ATP6V1C2: variants seen among roughly 807,000 people sequenced by gnomAD.
ATP6V1C2 encodes the protein ATPase H+ transporting V1 subunit C2, also known as V-type proton ATPase subunit C 2.
In ATP6V1C2, 45 loss-of-function variants were observed where a neutral mutation model predicts 56.8. That is an observed-to-expected ratio of 0.79 (90% CI 0.62 to 1.02). The LOEUF (loss-of-function observed/expected upper bound fraction) is 1.02. ATP6V1C2 is among the 50% of genes least tolerant of loss of function. The probability of loss-of-function intolerance (pLI) is 0.00; values close to 1 mark genes in which losing one functional copy is unlikely to be tolerated. For missense variants in ATP6V1C2, 463 were observed against 519.7 expected (o/e 0.89, Z 1.06); for synonymous variants, 220 against 201.3 (o/e 1.09, Z -0.79).
chr2:10,747,701 C>CA lies in ATP6V1C2; in HGVS notation c.198-6269dup, dbSNP rs34222737. On this transcript the variant is annotated intron_variant, in intron 3 of 13. Transcript: ENST00000272238. ...ACAGCAAGACACCATCTCTTTGAAA[C>CA]AAAAAAAAAAAGCACACTTTCTACC... Among the ~76,000 whole-genome samples the CA allele has an allele frequency of 9.8e-3, 1,399 of 142,940 alleles. 9 individuals are homozygous for CA. The highest frequency in any genetic ancestry group is 0.014 in the Middle Eastern group (4 of 282). The allele number at this position is 142,940 out of a possible 152,430, so 93.8% of individuals were successfully genotyped here. A position where few individuals can be genotyped will look rare whatever the true frequency, so the allele number is the denominator to read the frequency against.
chr2:10,757,390 C>G (rs1663620274), intron 4 of ATP6V1C2: 1 of 396,838 alleles, frequency 2.5e-6, no homozygotes, highest in Non-Finnish European at 4.4e-6. Flanking sequence ...CTTTGTATGT[C>G]TATATGGCTT....
rs1023152678 is a variant in ATP6V1C2 at position 10,784,385 on chromosome 2, A to T, written c.*1122A>T. The T allele has an allele frequency of 2.1e-5, 30 of 1,399,030 alleles. No homozygotes were observed. Among genetic ancestry groups the T allele is most frequent in the Non-Finnish European group, 5.0e-6 (5 of 998,922 alleles). The allele number at this position is 1,399,030 out of a possible 1,614,324, so 86.7% of individuals were successfully genotyped here. On this transcript the variant is annotated 3_prime_UTR_variant, in exon 14 of 14. Transcript: ENST00000272238. ...CAGAAGGGGACACCCTGGAAGGTCAACATCTCATTTTATGGAAGAGCGACT... is the reference window on the plus strand; with the variant it reads ...CAGAAGGGGACACCCTGGAAGGTCATCATCTCATTTTATGGAAGAGCGACT...
At chr2:10,747,577 A>G (rs1355063688) in intron 3 of ATP6V1C2, among the ~76,000 whole-genome samples, 2 of 152,142 alleles carry the variant, frequency 1.3e-5, no homozygotes, top group Non-Finnish European at 1.5e-5. Flanking sequence ...TGTGCTTTCT[A>G]AGCTGGGGAC....
Position 10,739,821 on chromosome 2 carries a change from C to T in ATP6V1C2, c.197+13252C>T, listed in dbSNP as rs1294432088. 5.9e-5 allele frequency among the ~76,000 whole-genome samples: 9 copies of T among 152,074 alleles called. No individual in the cohort carries two copies. The East Asian group carries it at 9.7e-4, about 16-fold the overall frequency. Reference sequence around the variant, plus strand: ...GTTTAAATAAAACTTTACCAATGGTCGGGCACAGTGGCTCATGCCTGTAAT... The same window carrying T: ...GTTTAAATAAAACTTTACCAATGGTTGGGCACAGTGGCTCATGCCTGTAAT... On this transcript the variant is annotated intron_variant, in intron 3 of 13. Transcript: ENST00000272238.
chr2:10,763,637 G>T lies in ATP6V1C2; in HGVS notation c.284-694G>T, dbSNP rs1664053203. On this transcript the variant is annotated intron_variant, in intron 4 of 13. Coordinates refer to ENST00000272238, the MANE Select transcript of ATP6V1C2 (RefSeq NM_001039362.2). The surrounding 1 kb of genome is among the most constrained non-coding windows in gnomAD (Gnocchi z 4.2). The stretch of plus-strand genomic sequence containing the variant: ...GGCCACCGTGGCGCTGCAGCTTCCA[G>T]GGAATTTCCCGCTCTTCCATAGACC... Among the ~76,000 whole-genome samples the T allele has an allele frequency of 6.6e-6, 1 of 152,158 alleles. No individual in the cohort carries two copies. Among genetic ancestry groups the T allele is most frequent in the Non-Finnish European group, 1.5e-5 (1 of 68,024 alleles).
chr2:10,734,081 G>A (rs1195249685), intron 3 of ATP6V1C2, among the ~76,000 whole-genome samples: 1 of 152,184 alleles, frequency 6.6e-6, no homozygotes, highest in Non-Finnish European at 1.5e-5. Context: ...GACCTATGTG[G>A]CATTTCATGG....
chr2:10,749,559 G>T (rs1198966823), intron 3 of ATP6V1C2, among the ~76,000 whole-genome samples: 1 of 152,114 alleles, frequency 6.6e-6, no homozygotes, highest in Non-Finnish European at 1.5e-5. Context: ...TGTTGGCAAG[G>T]GTTTAGGGAA....
chr2:10,728,315 C>G (rs1661758675), intron 3 of ATP6V1C2, among the ~76,000 whole-genome samples: 1 of 152,166 alleles, frequency 6.6e-6, no homozygotes, highest in Non-Finnish European at 1.5e-5. Flanking sequence ...AACTCCTGGC[C>G]TCAAGTGATC....
chr2:10,726,957 A>G (rs1572496977), intron 3 of ATP6V1C2, among the ~76,000 whole-genome samples: 1 of 152,052 alleles, frequency 6.6e-6, no homozygotes, highest in Non-Finnish European at 1.5e-5. Flanking sequence ...CACACCTGTA[A>G]CCCTAGCTAC....
At chr2:10,742,678 G>A (rs992436400) in intron 3 of ATP6V1C2, among the ~76,000 whole-genome samples, 13 of 152,218 alleles carry the variant, frequency 8.5e-5, no homozygotes, top group African/African-American at 3.1e-4. Context: ...CCCCCTCACC[G>A]TTGGGATAGA....
intron 3 of ATP6V1C2, chr2:10,744,334 G>T (rs1245674479): frequency 6.6e-6 from 1 of 152,206 alleles, no homozygotes; most frequent in African/African-American, 2.4e-5. Context: ...GTGCGTTGAT[G>T]CTCCTGTTTC....
chr2:10,778,738 C>T lies in ATP6V1C2; in HGVS notation c.1061+69C>T, dbSNP rs897385927. 32 of 1,449,490 alleles carry T rather than the reference C, an allele frequency of 2.2e-5. No individual in the cohort carries two copies. The Admixed American group carries it at 3.4e-4, about 15-fold the overall frequency. The allele number at this position is 1,449,490 out of a possible 1,614,324, so 89.8% of individuals were successfully genotyped here. A position where few individuals can be genotyped will look rare whatever the true frequency, so the allele number is the denominator to read the frequency against. ...GCAGGGTCTGGGGGAGCTATCGGGG[C>T]ACCCCAGCTCCTGCCTTCTCTCCAT... On this transcript the variant is annotated intron_variant, in intron 12 of 13. Transcript: ENST00000272238.
At chr2:10,755,382 A>G (rs574425806) in intron 4 of ATP6V1C2, among the ~76,000 whole-genome samples, 6 of 151,818 alleles carry the variant, frequency 4.0e-5, no homozygotes, top group Non-Finnish European at 5.9e-5. Context: ...GGGTCTCGCA[A>G]TGTCGCCCAG....
intron 4 of ATP6V1C2, among the ~76,000 whole-genome samples, chr2:10,762,671 G>A (rs1200143539): frequency 6.6e-6 from 1 of 151,960 alleles, no homozygotes; most frequent in Non-Finnish European, 1.5e-5. Context: ...ACTCAAGCTT[G>A]TCCCAGGCAG....
chr2:10,756,373 AAC>A (rs1663553563), intron 4 of ATP6V1C2, among the ~76,000 whole-genome samples: 1 of 110,310 alleles, frequency 9.1e-6, no homozygotes, highest in African/African-American at 3.8e-5. Context: ...ACAAACAAAA[AAC>A]AACAATAGAT....
intron 12 of ATP6V1C2, among the ~76,000 whole-genome samples, chr2:10,779,967 G>A (rs923690853): frequency 4.6e-5 from 7 of 152,152 alleles, no homozygotes; most frequent in Admixed American, 3.3e-4. Context: ...CGCACCGCCT[G>A]CCGCTCTGAC....
chr2:10,721,241 G>A (rs1572484461), upstream of ATP6V1C2, among the ~76,000 whole-genome samples: 4 of 152,290 alleles, frequency 2.6e-5, no homozygotes, highest in South Asian at 8.3e-4. Flanking sequence ...TGAGATCCGC[G>A]CATGTCTCTG....
At chr2:10,772,910 G>C (rs1734413) in intron 8 of ATP6V1C2, among the ~76,000 whole-genome samples, 1 of 152,076 alleles carries the variant, frequency 6.6e-6, no homozygotes, top group Admixed American at 6.5e-5. Context: ...CTGTGTTCTC[G>C]GCTCAGCGTC....
intron 12 of ATP6V1C2, 138 bp downstream of exon 12, chr2:10,778,807 G>A (rs765263540): frequency 6.5e-6 from 5 of 767,432 alleles, no homozygotes; most frequent in South Asian, 1.6e-5. Context: ...TTGGCAACAC[G>A]CTCAATTCCG....
Sources: allele counts gnomAD v4.1 joint callset (sites outside exome capture counted in the v4.1 genomes callset), GRCh38; gene constraint gnomAD v4.1.1; non-coding constraint Gnocchi (gnomAD v3.1); transcripts MANE v1.5; gene names NCBI Gene and HGNC (gene_info 2026-07-23, HGNC 2026-07-21).